The following PDE1A variants were observed in gnomAD, a reference collection of about 807,000 sequenced individuals.
PDE1A encodes the protein phosphodiesterase 1A.
A neutral mutation model predicts 61.7 loss-of-function variants in PDE1A; 35 were observed. The ratio of observed to expected loss-of-function variants is 0.57; its 90% confidence interval spans 0.43 to 0.75. The LOEUF (loss-of-function observed/expected upper bound fraction) is 0.75, where lower values mean the gene tolerates loss of function less well. Ranked by LOEUF, PDE1A falls within the 30% of genes least tolerant of loss-of-function variation. The pLI, the probability that PDE1A is intolerant of heterozygous loss-of-function variation, is 0.00. For synonymous variants in PDE1A, 232 were observed against 213.2 expected (o/e 1.09, Z -0.77); for missense variants, 597 against 630.6 (o/e 0.95, Z 0.57).
rs1314030740 is a variant in PDE1A, at chr2:182,447,784, GATA to G, written c.101+74489_101+74491del. 2.6e-5 allele frequency among the ~76,000 whole-genome samples: 4 copies of G among 152,096 alleles called. No individual in the cohort carries two copies. The East Asian group carries it at 5.8e-4, about 22-fold the overall frequency. On this transcript the variant is annotated intron_variant, in intron 2 of 14. Coordinates refer to the PDE1A transcript ENST00000410103. ...CCCTACTAGGCTTCTGTGCATTTCAGATAATAAGTGATTTCTGAATTAATTAAT... is the reference window on the plus strand; with the variant it reads ...CCCTACTAGGCTTCTGTGCATTTCAGATAAGTGATTTCTGAATTAATTAAT...
intron 1 of PDE1A, among the ~76,000 whole-genome samples, chr2:182,277,943 C>A (rs889433490): frequency 2.0e-5 from 3 of 152,040 alleles, no homozygotes; most frequent in African/African-American, 7.2e-5. Context: ...CAAGGTTACA[C>A]TGAACAACTG....
intron 6 of PDE1A, among the ~76,000 whole-genome samples, chr2:182,229,782 T>TC (rs34346085): frequency 5.4e-3 from 72 of 13,314 alleles, no homozygotes; most frequent in African/African-American, 0.019. Flanking sequence ...TTGGGAAACT[T>TC]TTTTTTTTTT....
the PDE1A span, among the ~76,000 whole-genome samples, chr2:182,535,793 G>A: frequency 6.6e-6 from 1 of 151,998 alleles, no homozygotes; most frequent in Non-Finnish European, 1.5e-5. Flanking sequence ...TTATTAAGAG[G>A]GCAACGTTAA....
At chr2:182,570,381 A>C in the PDE1A span, among the ~76,000 whole-genome samples, 1 of 152,218 alleles carries the variant, frequency 6.6e-6, no homozygotes, top group South Asian at 2.1e-4. Context: ...AACCAAAGTG[A>C]AAGAGAAATA....
At chr2:182,661,747 A>G in the PDE1A span, among the ~76,000 whole-genome samples, 1 of 152,176 alleles carries the variant, frequency 6.6e-6, no homozygotes, top group Non-Finnish European at 1.5e-5. Context: ...ATATATTCCT[A>G]AACTAGCAAT....
At chr2:182,218,276 G>A (rs1172196139) in intron 7 of PDE1A, among the ~76,000 whole-genome samples, 1 of 117,680 alleles carries the variant, frequency 8.5e-6, no homozygotes, top group Non-Finnish European at 1.7e-5. Flanking sequence ...TTGTGGGGTC[G>A]GGGGAGGGGG....
chr2:182,655,965 G>C, the PDE1A span, among the ~76,000 whole-genome samples: 1 of 152,206 alleles, frequency 6.6e-6, no homozygotes, highest in African/African-American at 2.4e-5. Context: ...TGCCTTGAAG[G>C]CCTGCTGGGT....
chr2:182,512,396 T>C (rs1466204177), intron 2 of PDE1A, among the ~76,000 whole-genome samples: 1 of 152,016 alleles, frequency 6.6e-6, no homozygotes, highest in Non-Finnish European at 1.5e-5. Flanking sequence ...CAACCCAACT[T>C]ATACCACAGT....
chr2:182,653,193 A>G, the PDE1A span, among the ~76,000 whole-genome samples: 7 of 152,182 alleles, frequency 4.6e-5, no homozygotes, highest in Admixed American at 1.3e-4. Flanking sequence ...TTCCCCTAAT[A>G]TAGCAGAGCT....
At chr2:182,301,668 T>C (rs1183479258) in intron 1 of PDE1A, among the ~76,000 whole-genome samples, 1 of 152,184 alleles carries the variant, frequency 6.6e-6, no homozygotes, top group Non-Finnish European at 1.5e-5. Context: ...ATAATCATAA[T>C]GATGAGAAAG....
the PDE1A span, among the ~76,000 whole-genome samples, chr2:182,707,824 G>T: frequency 6.6e-6 from 1 of 152,226 alleles, no homozygotes; most frequent in East Asian, 1.9e-4. Context: ...GGTAGAAGTC[G>T]CAATTAAATT....
At chr2:182,477,196 G>A (rs771477481) in intron 2 of PDE1A, among the ~76,000 whole-genome samples, 13 of 151,908 alleles carry the variant, frequency 8.6e-5, no homozygotes, top group East Asian at 3.9e-4. Flanking sequence ...AGTGTACTGC[G>A]GGGTAATGCA....
chr2:182,630,100 A>G, the PDE1A span, among the ~76,000 whole-genome samples: 1 of 152,076 alleles, frequency 6.6e-6, no homozygotes, highest in African/African-American at 2.4e-5. Flanking sequence ...CTATTATAGT[A>G]TTAATCTTCT....
chr2:182,274,754 T>C (rs1282033533), intron 1 of PDE1A, among the ~76,000 whole-genome samples: 1 of 152,100 alleles, frequency 6.6e-6, no homozygotes, highest in East Asian at 1.9e-4. Flanking sequence ...AAAACTAAAG[T>C]TGAATGACAA....
chr2:182,668,820 C>G, the PDE1A span, among the ~76,000 whole-genome samples: 1 of 152,180 alleles, frequency 6.6e-6, no homozygotes. Context: ...CTCTGGCTCT[C>G]TCTTACAGAG....
Position 182,451,828 on chromosome 2 carries a change from T to C in PDE1A, c.101+70448A>G, listed in dbSNP as rs1438385696. Among the ~76,000 whole-genome samples the C allele has an allele frequency of 2.0e-5, 3 of 152,110 alleles. No homozygotes were observed. In the East Asian group the frequency reaches 5.8e-4, roughly 30 times the overall value. Reference sequence around the variant, plus strand: ...CCTACTGCCTCCACGGCTTTGTCTTTCTTACTACTTCTGCTCTGCACTGCT... The same window carrying C: ...CCTACTGCCTCCACGGCTTTGTCTTCCTTACTACTTCTGCTCTGCACTGCT... On this transcript the variant is annotated intron_variant, in intron 2 of 14. Transcript: ENST00000410103.
At chr2:182,207,135 G>A (rs1053557921) in intron 7 of PDE1A, among the ~76,000 whole-genome samples, 1 of 152,204 alleles carries the variant, frequency 6.6e-6, no homozygotes, top group African/African-American at 2.4e-5. Context: ...GGTTGAAACA[G>A]TTTGGAGGGC....
intron 1 of PDE1A, among the ~76,000 whole-genome samples, chr2:182,316,924 G>A (rs900045778): frequency 2.0e-5 from 3 of 152,126 alleles, no homozygotes; most frequent in African/African-American, 7.2e-5. Flanking sequence ...AGAGTGAAAA[G>A]TTACTTACAT....
At chr2:182,406,331 C>T (rs1455103699) in intron 1 of PDE1A, among the ~76,000 whole-genome samples, 1 of 150,872 alleles carries the variant, frequency 6.6e-6, no homozygotes, top group Non-Finnish European at 1.5e-5. Flanking sequence ...TTTTGTGGAT[C>T]TGATTAGCAG....
Sources: gnomAD v4.1 joint callset for allele counts (sites outside exome capture counted in the v4.1 genomes callset) on GRCh38, gnomAD v4.1.1 for gene constraint, MANE v1.5 for transcripts, NCBI Gene and HGNC (gene_info 2026-07-23, HGNC 2026-07-21) for gene names.